The following PTPRM variants were observed in gnomAD, a reference collection of about 807,000 sequenced individuals.
PTPRM encodes protein tyrosine phosphatase receptor type M.
In PTPRM, 47 loss-of-function variants were observed where a neutral mutation model predicts 186.7. The observed-to-expected ratio is 0.25, with a 90% CI of 0.20 to 0.32. The LOEUF is 0.32. PTPRM is among the 10% of genes least tolerant of loss of function. PTPRM has a pLI of 1.00. For synonymous variants in PTPRM, 668 were observed against 674.9 expected (o/e 0.99, Z 0.16); for missense variants, 1,494 against 1,865.0 (o/e 0.80, Z 3.66).
At chr18:8,309,895 C>T (rs2095255197) in intron 20 of PTPRM, among the ~76,000 whole-genome samples, 1 of 151,942 alleles carries the variant, frequency 6.6e-6, no homozygotes, top group Admixed American at 6.6e-5. Flanking sequence ...TATAAGAGCA[C>T]CAAAAAGTGA....
intron 19 of PTPRM, among the ~76,000 whole-genome samples, chr18:8,292,151 C>T (rs2095049753): frequency 1.3e-5 from 2 of 152,144 alleles, no homozygotes; most frequent in African/African-American, 4.8e-5. Context: ...TCCAGAGCTA[C>T]AGATGAAGTT....
chr18:7,826,078 G>A (rs2045469359), intron 2 of PTPRM, among the ~76,000 whole-genome samples: 1 of 152,126 alleles, frequency 6.6e-6, no homozygotes, highest in Non-Finnish European at 1.5e-5. Context: ...GATATTGGTC[G>A]AGAGCTCAGG....
intron 32 of PTPRM, 144 bp from the exon 33 acceptor site, chr18:8,405,964 CA>C: frequency 1.3e-6 from 1 of 769,560 alleles, no homozygotes; most frequent in Non-Finnish European, 2.3e-6. Flanking sequence ...ATCTGGAGTT[CA>C]GAACCGTGAC....
At chr18:8,232,814 T>G (rs1375019813) in intron 14 of PTPRM, among the ~76,000 whole-genome samples, 1 of 152,128 alleles carries the variant, frequency 6.6e-6, no homozygotes, top group African/African-American at 2.4e-5. Context: ...AAGAGTATAT[T>G]TGGAAGAAGG....
At chr18:7,972,177 T>C (rs2054568134) in intron 7 of PTPRM, among the ~76,000 whole-genome samples, 1 of 125,774 alleles carries the variant, frequency 8.0e-6, no homozygotes, top group African/African-American at 3.9e-5. Flanking sequence ...TGGATGAAAT[T>C]GGAAACCATC....
chr18:7,674,839 C>G (rs186128467), intron 1 of PTPRM, among the ~76,000 whole-genome samples: 1 of 152,194 alleles, frequency 6.6e-6, no homozygotes, highest in Non-Finnish European at 1.5e-5. Context: ...GGCTCTTAAT[C>G]GTATTTCTGT....
At chr18:8,206,741 A>G (rs953750977) in intron 14 of PTPRM, among the ~76,000 whole-genome samples, 7 of 152,160 alleles carry the variant, frequency 4.6e-5, no homozygotes, top group Non-Finnish European at 8.8e-5. Flanking sequence ...TCAAAGTAAA[A>G]TGCTAGGTAT....
intron 22 of PTPRM, among the ~76,000 whole-genome samples, chr18:8,320,986 G>T (rs934977725): frequency 6.6e-6 from 1 of 152,180 alleles, no homozygotes; most frequent in African/African-American, 2.4e-5. Context: ...GAACAAGGAT[G>T]CATGTCAGAG....
intron 2 of PTPRM, among the ~76,000 whole-genome samples, chr18:7,869,879 C>G (rs2047900650): frequency 6.6e-6 from 1 of 152,178 alleles, no homozygotes; most frequent in South Asian, 2.1e-4. Context: ...TAGCTCCTAA[C>G]TGGCATATGC....
chr18:7,773,570 GTTTTTT>G (rs10708698), intron 1 of PTPRM, among the ~76,000 whole-genome samples: 1 of 129,096 alleles, frequency 7.7e-6, no homozygotes, highest in Admixed American at 7.9e-5. Context: ...TCTTTTCTTT[GTTTTTT>G]TTTTTTTTTT....
At chr18:7,691,486 A>G (rs2039731607) in intron 1 of PTPRM, among the ~76,000 whole-genome samples, 1 of 152,206 alleles carries the variant, frequency 6.6e-6, no homozygotes, top group Non-Finnish European at 1.5e-5. Flanking sequence ...TGGCATGTTG[A>G]AAACCAAATT....
intron 7 of PTPRM, among the ~76,000 whole-genome samples, chr18:7,996,495 A>G (rs1374937275): frequency 1.3e-5 from 2 of 152,112 alleles, no homozygotes; most frequent in Admixed American, 6.6e-5. Context: ...AAGGAAGCCC[A>G]TTTTCACCAC....
intron 2 of PTPRM, among the ~76,000 whole-genome samples, chr18:7,781,604 C>T (rs1598677132): frequency 2.6e-5 from 4 of 152,248 alleles, no homozygotes. Flanking sequence ...ACCCCTGTCC[C>T]ACCATTCCCC....
chr18:7,828,897 A>C (rs959534598), intron 2 of PTPRM, among the ~76,000 whole-genome samples: 1 of 152,206 alleles, frequency 6.6e-6, no homozygotes, highest in African/African-American at 2.4e-5. Context: ...ACACAAATGA[A>C]TGATGGCATT....
intron 7 of PTPRM, among the ~76,000 whole-genome samples, chr18:8,025,350 A>AT (rs1265981180): frequency 6.6e-6 from 1 of 152,212 alleles, no homozygotes; most frequent in Admixed American, 6.5e-5. Context: ...ACGTTTGGAC[A>AT]TTCCTGCTGC....
At chr18:7,936,021 CT>C (rs199941007) in intron 5 of PTPRM, among the ~76,000 whole-genome samples, 1 of 152,332 alleles carries the variant, frequency 6.6e-6, no homozygotes, top group East Asian at 1.9e-4. Context: ...TTCACTTGCT[CT>C]TCTTGCTTCC....
intron 13 of PTPRM, among the ~76,000 whole-genome samples, chr18:8,130,805 T>A (rs1044350818): frequency 6.6e-6 from 1 of 152,200 alleles, no homozygotes; most frequent in Non-Finnish European, 1.5e-5. Flanking sequence ...TTAGAAAGCA[T>A]GTACACAGCA....
At chr18:8,334,554 C>T (rs2095428495) in intron 22 of PTPRM, among the ~76,000 whole-genome samples, 1 of 152,244 alleles carries the variant, frequency 6.6e-6, no homozygotes, top group Non-Finnish European at 1.5e-5. Context: ...GACCCATCAC[C>T]ACCTGGACAT....
intron 7 of PTPRM, among the ~76,000 whole-genome samples, chr18:7,976,868 T>A (rs2054980770): frequency 6.6e-6 from 1 of 152,038 alleles, no homozygotes; most frequent in Admixed American, 6.5e-5. Flanking sequence ...GTAAATGTAT[T>A]CGTTTGTTAA....
Sources: gnomAD v4.1 joint callset for allele counts (sites outside exome capture counted in the v4.1 genomes callset) on GRCh38, gnomAD v4.1.1 for gene constraint, MANE v1.5 for transcripts, NCBI Gene and HGNC (gene_info 2026-07-23, HGNC 2026-07-21) for gene names.